The following SDK1 variants were observed in gnomAD, a reference collection of about 807,000 sequenced individuals.
SDK1 encodes sidekick cell adhesion molecule 1.
Under a neutral mutation model 245.5 loss-of-function variants are expected in SDK1, and 157 were observed. The observed-to-expected ratio is 0.64, with a 90% confidence interval of 0.56 to 0.73. SDK1 has a LOEUF of 0.73. Among genes scored for constraint, SDK1 ranks in the 30% least tolerant of loss-of-function variants. SDK1 has a pLI of 0.00. For missense variants in SDK1, 3,583 were observed against 3,002.3 expected, an observed-to-expected ratio of 1.19 and a Z score of -4.52; for synonymous variants, 1,647 against 1,278.5, an observed-to-expected ratio of 1.29 and a Z score of -6.15.
intron 33 of SDK1, among the ~76,000 whole-genome samples, chr7:4,174,893 C>A (rs540040339): frequency 6.6e-6 from 1 of 152,230 alleles, no homozygotes; most frequent in East Asian, 1.9e-4. Flanking sequence ...CCCGTTCCCA[C>A]CCCTCCTCTG....
intron 5 of SDK1, among the ~76,000 whole-genome samples, chr7:3,941,396 A>G (rs1780362780): frequency 6.6e-6 from 1 of 151,972 alleles, no homozygotes; most frequent in Non-Finnish European, 1.5e-5. Flanking sequence ...TGATGGATCA[A>G]GTCCACACTC....
At chr7:3,354,248 T>C (rs1253592593) in intron 1 of SDK1, among the ~76,000 whole-genome samples, 1 of 152,054 alleles carries the variant, frequency 6.6e-6, no homozygotes, top group East Asian at 1.9e-4. Context: ...TCTGCCTGCC[T>C]TGGCCTCCCA....
chr7:3,814,180 C>T (rs1486365068), intron 4 of SDK1, among the ~76,000 whole-genome samples: 2 of 151,252 alleles, frequency 1.3e-5, no homozygotes, highest in African/African-American at 4.9e-5. Context: ...GACATAAAGT[C>T]CTTGCCCATG....
intron 28 of SDK1, among the ~76,000 whole-genome samples, chr7:4,143,545 C>G (rs1562878190): frequency 2.0e-5 from 3 of 152,182 alleles, no homozygotes; most frequent in African/African-American, 7.2e-5. Context: ...CATCCACGGT[C>G]ACACAGTGAA....
At chr7:3,491,887 TAGTA>T (rs1259360164) in intron 1 of SDK1, among the ~76,000 whole-genome samples, 1 of 152,210 alleles carries the variant, frequency 6.6e-6, no homozygotes, top group Non-Finnish European at 1.5e-5. Flanking sequence ...AAATTAAAAA[TAGTA>T]ATTAACATTG....
At chr7:3,647,462 C>T (rs1761559310) in intron 4 of SDK1, among the ~76,000 whole-genome samples, 1 of 152,066 alleles carries the variant, frequency 6.6e-6, no homozygotes, top group African/African-American at 2.4e-5. Context: ...GCTCTGTCTC[C>T]CATGCTGGAG....
intron 4 of SDK1, among the ~76,000 whole-genome samples, chr7:3,713,560 G>C (rs1785110643): frequency 6.6e-6 from 1 of 152,130 alleles, no homozygotes; most frequent in Non-Finnish European, 1.5e-5. Flanking sequence ...ATTAGGCCTG[G>C]TCTAGACTTC....
chr7:3,481,821 G>T (rs560568219), intron 1 of SDK1, among the ~76,000 whole-genome samples: 1 of 152,284 alleles, frequency 6.6e-6, no homozygotes, highest in South Asian at 2.1e-4. Context: ...CCTACCTTTT[G>T]TGAAATTCCC....
intron 5 of SDK1, among the ~76,000 whole-genome samples, chr7:3,885,337 G>T (rs945537777): frequency 2.0e-5 from 3 of 152,142 alleles, no homozygotes; most frequent in Non-Finnish European, 4.4e-5. Context: ...GTAACTTGGG[G>T]GTGGGCTGCG....
chr7:3,883,107 C>T (rs1036879716), intron 5 of SDK1, among the ~76,000 whole-genome samples: 1 of 152,134 alleles, frequency 6.6e-6, no homozygotes, highest in African/African-American at 2.4e-5. Flanking sequence ...ACAGAGCCCA[C>T]GGGTTCCAGG....
At chr7:3,854,411 G>A (rs1780491139) in intron 5 of SDK1, among the ~76,000 whole-genome samples, 1 of 152,182 alleles carries the variant, frequency 6.6e-6, no homozygotes, top group Non-Finnish European at 1.5e-5. Context: ...CACAGTAGAT[G>A]CTTGCTAAAT....
At chr7:4,061,734 A>T (rs555600505) in intron 19 of SDK1, among the ~76,000 whole-genome samples, 1 of 152,218 alleles carries the variant, frequency 6.6e-6, no homozygotes, top group African/African-American at 2.4e-5. Context: ...AACCAATCCA[A>T]ATGTCCAACA....
Position 4,241,917 on chromosome 7 carries a change from G to A in SDK1, c.6251+4G>A, listed in dbSNP as rs775167549. The A allele has an allele frequency of 1.2e-6, 2 of 1,612,508 alleles. No individual in the cohort carries two copies. Among genetic ancestry groups the A allele is most frequent in the Admixed American group, 1.7e-5 (1 of 60,034 alleles). ...TCTCCAAGAAGAACGGGACCAGGTA[G>A]GCAGGCAGTGCTGTGCTGCGCCCAC... On this transcript the variant is annotated splice_donor_region_variant and intron_variant, in intron 43 of 44. Transcript: ENST00000404826.
In SDK1 at chr7:3,913,479, G is replaced by T. The variant is rs57247905; in HGVS notation, c.848-37444G>T. ...CAGCTAATTTTTTGTATTTTTGGTA[G>T]AGATGGGGTTTCACTATGTTAGCCA... On this transcript the variant is annotated intron_variant, in intron 5 of 44. Coordinates refer to ENST00000404826, the MANE Select transcript of SDK1 (RefSeq NM_152744.4). 3.7e-3 allele frequency among the ~76,000 whole-genome samples: 559 copies of T among 151,996 alleles called. 2 individuals are homozygous for T. Among genetic ancestry groups the T allele is most frequent in the African/African-American group, 0.013 (525 of 41,482 alleles).
chr7:3,622,527 G>C (rs540435859), intron 2 of SDK1, among the ~76,000 whole-genome samples: 63 of 152,244 alleles, frequency 4.1e-4, no homozygotes, highest in African/African-American at 1.5e-3. Flanking sequence ...TATTTTAAAT[G>C]CCAAAGTGTA....
chr7:3,852,523 G>A (rs552862358), intron 5 of SDK1, among the ~76,000 whole-genome samples: 3 of 151,480 alleles, frequency 2.0e-5, no homozygotes, highest in East Asian at 3.9e-4. Flanking sequence ...CGAGGCGGGC[G>A]GATCACGAGG....
chr7:3,424,003 C>T (rs1460604469), intron 1 of SDK1, among the ~76,000 whole-genome samples: 1 of 151,720 alleles, frequency 6.6e-6, no homozygotes, highest in Non-Finnish European at 1.5e-5. Flanking sequence ...CCTCCGCCTT[C>T]CAGGTTCAAG....
chr7:3,917,539 C>G (rs746819273), intron 5 of SDK1, among the ~76,000 whole-genome samples: 1 of 152,120 alleles, frequency 6.6e-6, no homozygotes. Flanking sequence ...GCAGGTAAAA[C>G]GGACTCTGAG....
intron 5 of SDK1, among the ~76,000 whole-genome samples, chr7:3,865,991 C>T (rs1780812309): frequency 6.6e-6 from 1 of 152,048 alleles, no homozygotes; most frequent in African/African-American, 2.4e-5. Context: ...GTACACAGAT[C>T]AGAAAGGAGA....
Sources: allele counts gnomAD v4.1 joint callset (sites outside exome capture counted in the v4.1 genomes callset), GRCh38; gene constraint gnomAD v4.1.1; transcripts MANE v1.5; gene names NCBI Gene and HGNC (gene_info 2026-07-23, HGNC 2026-07-21).